Variants in DND1 observed in about 807,000 individuals in gnomAD.
DND1 encodes DND microRNA-mediated repression inhibitor 1.
DND1 carries 6 observed loss-of-function variants against 30.4 expected under a neutral mutation model. The observed-to-expected ratio is 0.20, with a 90% confidence interval of 0.11 to 0.39. The LOEUF is 0.39. DND1 is among the 10% of genes least tolerant of loss of function. The probability of loss-of-function intolerance (pLI) is 1.00; values close to 1 mark genes in which losing one functional copy is unlikely to be tolerated. For missense variants in DND1, 358 were observed against 474.9 expected (o/e 0.75, Z 2.29); for synonymous variants, 178 against 210.4 (o/e 0.85, Z 1.33).
rs1419874924 is a variant in DND1 at position 140,672,600 on chromosome 5, G to T, written c.449C>A (p.Thr150Asn). 1 of 1,573,076 alleles carries T rather than the reference G, an allele frequency of 6.4e-7. No homozygotes were observed. Among genetic ancestry groups the T allele is most frequent in the African/African-American group, 1.3e-5 (1 of 74,400 alleles). Residue 150 changes from threonine (T) to asparagine (N), a missense_variant, in exon 3 of 4, where the codon ACC (threonine) becomes AAC (asparagine). Transcript: ENST00000542735. Reference protein sequence around the residue: ...LSVDGLPPNLTRSALLLALQP... With the variant: ...LSVDGLPPNLNRSALLLALQP... The stretch of plus-strand genomic sequence containing the variant: ...CAGCGCGAGCAGCAGCGCGCTGCGG[G>T]TCAGATTCGGCGGCAGGCCGTCAAC...
At position 140,673,311 on chromosome 5, in the gene DND1, C is replaced by A. The variant is rs1476685136; in HGVS notation, c.102G>T (p.Val34=). 2.5e-6 allele frequency: 4 copies of A among 1,613,994 alleles called. No individual in the cohort carries two copies. In the African/African-American group the frequency reaches 5.3e-5, roughly 22 times the overall value. The part of the protein sequence containing the change: ...AWVRETGIRL[V]QVNGQRKYGG... ...CATACTTCCTCTGCCCGTTCACCTG[C>A]ACCAGGCGGATGCCTGTCTCCCTGA... is the stretch of plus-strand genomic sequence containing the variant. The change falls in exon 2 of 4, where the codon GTG becomes GTT. Residue 34 remains valine (V), a synonymous_variant. Transcript: ENST00000542735.
chr5:140,672,387 G>A, intron 3 of DND1, 58 bp downstream of exon 3: 1 of 1,503,968 alleles, frequency 6.6e-7, no homozygotes, highest in Non-Finnish European at 9.0e-7. Context: ...GCTATGCTCA[G>A]TATAAAGTGC....
Position 140,673,573 on chromosome 5 carries a change from T to A in DND1, c.-31A>T. On this transcript the variant is annotated 5_prime_UTR_variant, in exon 1 of 4. Coordinates refer to ENST00000542735, the MANE Select transcript of DND1 (RefSeq NM_194249.3). ...TCCAGCTGGCCCCCTCGTACCCTCT[T>A]TATAACTTCCTCCCCACCGGCCTCT... 6.4e-7 allele frequency: 1 copy of A among 1,558,182 alleles called. No homozygotes were observed. The highest frequency in any genetic ancestry group is 8.7e-7 in the Non-Finnish European group (1 of 1,150,310).
chr5:140,671,421 C>G lies in DND1; in HGVS notation c.934G>C (p.Asp312His). Residue 312 changes from aspartate (D) to histidine (H), a missense_variant, in exon 4 of 4, where the codon GAT (aspartate) becomes CAT (histidine). This residue lies in a region of DND1 where 176 missense variants were observed against 235.2 expected (regional missense o/e 0.75). Transcript: ENST00000542735. ...SGLIWVVLTLDGRDGHEVAKD... is the reference protein window; with the variant it reads ...SGLIWVVLTLHGRDGHEVAKD... ...GCCACCTCATGCCCATCCCGGCCATCTAGGGTCAGCACAACCCAGATGAGG... is the reference window on the plus strand; with the variant it reads ...GCCACCTCATGCCCATCCCGGCCATGTAGGGTCAGCACAACCCAGATGAGG... 6.2e-7 allele frequency: 1 copy of G among 1,612,158 alleles called. No individual in the cohort carries two copies. Among genetic ancestry groups the G allele is most frequent in the Non-Finnish European group, 8.5e-7 (1 of 1,179,854 alleles).
intron 1 of DND1, 29 bp downstream of exon 1, chr5:140,673,490 C>T (rs1448056600): frequency 6.2e-7 from 1 of 1,607,348 alleles, no homozygotes; most frequent in African/African-American, 1.3e-5. Flanking sequence ...CGGCGGGGCT[C>T]GCCGGCCCCC....
Position 140,672,699 on chromosome 5 carries a change from G to A in DND1, c.350C>T (p.Thr117Met). 1 of 1,580,928 alleles carries A rather than the reference G, an allele frequency of 6.3e-7. No homozygotes were observed. The highest frequency in any genetic ancestry group is 8.5e-7 in the Non-Finnish European group (1 of 1,171,304). Reference protein sequence around the residue: ...SRRGAQAAIATLHNHPLRPSC... With the variant: ...SRRGAQAAIAMLHNHPLRPSC... ...CGGCCGCAGCGGATGGTTGTGCAGCGTGGCGATGGCGGCCTGCGCGCCGCG... is the reference window on the plus strand; with the variant it reads ...CGGCCGCAGCGGATGGTTGTGCAGCATGGCGATGGCGGCCTGCGCGCCGCG... The change falls in exon 3 of 4, where the codon ACG becomes ATG. Residue 117 changes from threonine (T) to methionine (M), a missense_variant. Around this residue, in one of 3 missense-constraint regions of DND1, gnomAD observed 120 missense variants for 199.1 expected, o/e 0.60. Coordinates refer to ENST00000542735, the MANE Select transcript of DND1 (RefSeq NM_194249.3).
chr5:140,672,202 C>T (rs1376865357), intron 3 of DND1: 13 of 582,952 alleles, frequency 2.2e-5, no homozygotes, highest in Non-Finnish European at 3.7e-5. Flanking sequence ...GCCTATTTTG[C>T]GGTGTGGGGG....
Position 140,671,230 on chromosome 5 carries a change from T to G in DND1, c.*63A>C, listed in dbSNP as rs1441694001. The G allele has an allele frequency of 1.2e-5, 20 of 1,606,228 alleles. No homozygotes were observed. The South Asian group carries it at 1.7e-4, about 13-fold the overall frequency. ...TCAGAAAGTGGCCACCCAGGCCTGC[T>G]GGGATGGGGCCTGACACAGGCTCTG... On this transcript the variant is annotated 3_prime_UTR_variant, in exon 4 of 4. Transcript: ENST00000542735.
rs757761382 is a variant in DND1, at chr5:140,671,320, A to G, written c.1035T>C (p.Ala345=). 1.2e-4 allele frequency: 190 copies of G among 1,612,794 alleles called. 1 individual carries two copies. Among genetic ancestry groups the G allele is most frequent in the Non-Finnish European group, 1.5e-4 (175 of 1,179,974 alleles). The change falls in exon 4 of 4, where the codon GCT becomes GCC. Residue 345 remains alanine, a synonymous_variant. Coordinates refer to ENST00000542735, the MANE Select transcript of DND1 (RefSeq NM_194249.3). ...SGANLLWSAG[A]EAGTMVKQ ...ACTGTTTAACCATGGTACCTGCCTC[A>G]GCCCCAGCAGACCACAGGAGGTTGG...
chr5:140,671,805 A>G, intron 3 of DND1, 55 bp from the exon 4 acceptor site: 3 of 1,538,842 alleles, frequency 1.9e-6, no homozygotes, highest in Non-Finnish European at 2.6e-6. Context: ...CCAAGCCTCC[A>G]GGTGGTGAGC....
At chr5:140,672,414 G>T (rs754963510) in intron 3 of DND1, 31 bp downstream of exon 3, 6 of 1,563,842 alleles carry the variant, frequency 3.8e-6, no homozygotes, top group South Asian at 1.2e-5. Context: ...GAACGCGTTT[G>T]GCCCCAACCA....
At chr5:140,672,056 G>T in intron 3 of DND1, 1 of 564,976 alleles carries the variant, frequency 1.8e-6, no homozygotes, top group South Asian at 2.0e-5. Context: ...AGTGTGCTAA[G>T]TACCGTACAC....
Position 140,671,057 on chromosome 5 carries a change from G to A in DND1, c.*236C>T, listed in dbSNP as rs368759325. On this transcript the variant is annotated 3_prime_UTR_variant, in exon 4 of 4. Transcript: ENST00000542735. ...AGGAACGGCCATGGAAGATCACTGG[G>A]TCAGGTTGGACCCTGGGCTGGGAGC... 102 of 601,656 alleles carry A rather than the reference G, an allele frequency of 1.7e-4. No individual in the cohort carries two copies. The African/African-American group carries it at 1.8e-3, about 10-fold the overall frequency. 37.3% of individuals were successfully genotyped at this position (601,656 alleles called of 1,614,324 possible).
intron 3 of DND1, 92 bp from the exon 4 acceptor site, chr5:140,671,842 T>C: frequency 1.5e-6 from 2 of 1,363,658 alleles, no homozygotes; most frequent in Non-Finnish European, 2.0e-6. Context: ...GTCCTGTTAT[T>C]TGTAGCCTTC....
chr5:140,672,665 C>G lies in DND1; in HGVS notation c.384G>C (p.Pro128=). ...TCTCGGTGCTGCGGCACACGAGCAG[C>G]GGGCAGGACGGCCGCAGCGGATGGT... ...LHNHPLRPSC[P]LLVCRSTEKC... Residue 128 remains proline (P), a synonymous_variant, in exon 3 of 4, where the codon CCG becomes CCC. Coordinates refer to ENST00000542735, the MANE Select transcript of DND1 (RefSeq NM_194249.3). 1 of 1,574,448 alleles carries G rather than the reference C, an allele frequency of 6.4e-7. No homozygotes were observed. The highest frequency in any genetic ancestry group is 2.3e-5 in the East Asian group (1 of 43,386).
chr5:140,672,537 A>C lies in DND1; in HGVS notation c.512T>G (p.Leu171Arg). ...LGPGLQEARL[L>R]PSPGPAPGQI... The stretch of plus-strand genomic sequence containing the variant: ...CCCGGGCGCCGGTCCGGGGCTGGGC[A>C]GCAGCCGCGCCTCCTGCAAGCCGGG... The change falls in exon 3 of 4, where the codon CTG (leucine) becomes CGG (arginine). Residue 171 changes from leucine to arginine, a missense_variant. Transcript: ENST00000542735. The C allele has an allele frequency of 6.3e-7, 1 of 1,589,932 alleles. No individual in the cohort carries two copies. The highest frequency in any genetic ancestry group is 8.5e-7 in the Non-Finnish European group (1 of 1,172,688).
chr5:140,672,698 C>T lies in DND1; in HGVS notation c.351G>A (p.Thr117=), dbSNP rs781704770. The change falls in exon 3 of 4, where the codon ACG becomes ACA. Residue 117 remains threonine (T), a synonymous_variant. Transcript: ENST00000542735. ...ACGGCCGCAGCGGATGGTTGTGCAGCGTGGCGATGGCGGCCTGCGCGCCGC... is the reference window on the plus strand; with the variant it reads ...ACGGCCGCAGCGGATGGTTGTGCAGTGTGGCGATGGCGGCCTGCGCGCCGC... ...SRRGAQAAIA[T]LHNHPLRPSC... is the part of the protein sequence containing the mutation. The T allele has an allele frequency of 2.2e-5, 34 of 1,580,794 alleles. No individual in the cohort carries two copies. The highest frequency in any genetic ancestry group is 4.5e-4 in the Middle Eastern group (2 of 4,444).
intron 3 of DND1, 172 bp from the exon 4 acceptor site, chr5:140,671,922 G>A (rs1758086503): frequency 1.4e-6 from 1 of 735,108 alleles, no homozygotes; most frequent in African/African-American, 1.8e-5. Flanking sequence ...ATTTGCAAAG[G>A]GAGTATAACA....
intron 2 of DND1, 36 bp from the exon 3 acceptor site, chr5:140,672,942 G>C (rs1204613847): frequency 1.3e-6 from 2 of 1,534,430 alleles, no homozygotes; most frequent in South Asian, 2.4e-5. Flanking sequence ...ACCGTCAGGC[G>C]ACGCTTTCGA....
Sources: allele counts gnomAD v4.1 joint callset, GRCh38; gene constraint gnomAD v4.1.1; regional missense constraint gnomAD v4.1.1; transcripts MANE v1.5; gene names NCBI Gene and HGNC (gene_info 2026-07-23, HGNC 2026-07-21).